The following SLC15A5 variants were observed in gnomAD, a reference collection of about 807,000 sequenced individuals.
SLC15A5 encodes solute carrier family 15 member 5, also known as Peptide/histidine transporter ENSP00000340402.
Under a neutral mutation model 56.1 loss-of-function variants are expected in SLC15A5, and 58 were observed. The observed-to-expected ratio is 1.03, with a 90% CI of 0.84 to 1.29. SLC15A5 has a LOEUF of 1.29. Ranked by LOEUF, SLC15A5 falls within the 50% of genes most tolerant of loss-of-function variation. The probability of loss-of-function intolerance (pLI) is 0.00; values close to 1 mark genes in which losing one functional copy is unlikely to be tolerated. For synonymous variants in SLC15A5, 264 were observed against 250.5 expected, an observed-to-expected ratio of 1.05 and a Z score of -0.51; for missense variants, 681 against 672.1, an observed-to-expected ratio of 1.01 and a Z score of -0.15.
chr12:16,236,688 C>T (rs1864354928), intron 5 of SLC15A5, among the ~76,000 whole-genome samples: 1 of 152,108 alleles, frequency 6.6e-6, no homozygotes, highest in African/African-American at 2.4e-5. Flanking sequence ...TTGACTTTAC[C>T]ATCTGCCTCC....
intron 5 of SLC15A5, among the ~76,000 whole-genome samples, chr12:16,227,653 A>G (rs1864255637): frequency 6.6e-6 from 1 of 152,212 alleles, no homozygotes; most frequent in Non-Finnish European, 1.5e-5. Context: ...GAATCAAGGT[A>G]GACGATAGAT....
intron 7 of SLC15A5, among the ~76,000 whole-genome samples, chr12:16,213,855 C>T (rs912448066): frequency 2.6e-5 from 4 of 152,024 alleles, no homozygotes; most frequent in African/African-American, 9.7e-5. Context: ...CAAATTGTGC[C>T]AGAATTATAT....
In SLC15A5 at chr12:16,272,660, A is replaced by G. The variant is rs1260639008; in HGVS notation, c.485T>C (p.Ile162Thr). The change falls in exon 2 of 9, where the codon ATT becomes ACT. Residue 162 changes from isoleucine to threonine, a missense_variant. By Grantham distance (89) the Ile-to-Thr change is moderately conservative (BLOSUM62 -1). Transcript: ENST00000344941. Reference sequence around the variant, plus strand: ...TCTTACGCCTCCAATGCCAAGGCAAATGGTCAGCAGTGCTACATAAAACAG... The same window carrying G: ...TCTTACGCCTCCAATGCCAAGGCAAGTGGTCAGCAGTGCTACATAAAACAG... Reference protein sequence around the residue: ...HRLFYVALLTICLGIGGVRAI... With the variant: ...HRLFYVALLTTCLGIGGVRAI... 2 of 1,537,120 alleles carry G rather than the reference A, an allele frequency of 1.3e-6. No individual in the cohort carries two copies. Among genetic ancestry groups the G allele is most frequent in the Admixed American group, 2.0e-5 (1 of 50,992 alleles).
In SLC15A5 at chr12:16,241,476, C is replaced by A. The variant is rs547474525; in HGVS notation, c.976-1609G>T. The stretch of plus-strand genomic sequence containing the variant: ...TAACTGCGCAAACACAGGACAAGAC[C>A]ACATTTTCACTGAGATTCTTTCTGT... On this transcript the variant is annotated intron_variant, in intron 4 of 8. Transcript: ENST00000344941. 1.6e-4 allele frequency among the ~76,000 whole-genome samples: 24 copies of A among 152,268 alleles called. No individual in the cohort carries two copies. The East Asian group carries it at 4.6e-3, about 29-fold the overall frequency.
At chr12:16,223,600 A>G (rs963167891) in intron 6 of SLC15A5, among the ~76,000 whole-genome samples, 2 of 152,172 alleles carry the variant, frequency 1.3e-5, no homozygotes, top group Non-Finnish European at 2.9e-5. Context: ...CATTTAATCT[A>G]GTGTAATTTA....
chr12:16,258,567 G>A (rs936116844), intron 2 of SLC15A5, among the ~76,000 whole-genome samples: 3 of 151,970 alleles, frequency 2.0e-5, no homozygotes, highest in African/African-American at 4.8e-5. Flanking sequence ...AAAAATTGAC[G>A]TAAAATTAAA....
At chr12:16,209,138 G>A (rs1302888310) in intron 7 of SLC15A5, among the ~76,000 whole-genome samples, 1 of 150,100 alleles carries the variant, frequency 6.7e-6, no homozygotes, top group Non-Finnish European at 1.5e-5. Flanking sequence ...TAAATTTTAT[G>A]AATACCTTCC....
rs777850748 is a variant in SLC15A5, at chr12:16,272,780, G to T, written c.365C>A (p.Thr122Asn). The T allele has an allele frequency of 7.8e-6, 12 of 1,536,504 alleles. No individual in the cohort carries two copies. The African/African-American group carries it at 1.6e-4, about 21-fold the overall frequency. Reference protein sequence around the residue: ...YICLFLHFLGTALLSVVAFPL... With the variant: ...YICLFLHFLGNALLSVVAFPL... ...AAAAGCCACCACAGATAACAAAGCAGTGCCTGTAGGTGGAGAAAAAAAAAG... is the reference window on the plus strand; with the variant it reads ...AAAAGCCACCACAGATAACAAAGCATTGCCTGTAGGTGGAGAAAAAAAAAG... The change falls in exon 2 of 9, where the codon ACT (threonine) becomes AAT (asparagine). Residue 122 changes from threonine to asparagine, a missense_variant. Transcript: ENST00000344941.
intron 7 of SLC15A5, among the ~76,000 whole-genome samples, chr12:16,214,480 C>T (rs1864111401): frequency 6.6e-6 from 1 of 152,190 alleles, no homozygotes; most frequent in Non-Finnish European, 1.5e-5. Flanking sequence ...CATGATCAGA[C>T]TTGGAGCTTT....
intron 6 of SLC15A5, among the ~76,000 whole-genome samples, chr12:16,218,032 A>G (rs1864147150): frequency 1.3e-5 from 2 of 152,154 alleles, no homozygotes; most frequent in Admixed American, 1.3e-4. Context: ...AATCTTAGCG[A>G]TATGTGTTAA....
chr12:16,212,132 G>A (rs1465933085), intron 7 of SLC15A5, among the ~76,000 whole-genome samples: 2 of 152,016 alleles, frequency 1.3e-5, no homozygotes, highest in African/African-American at 4.8e-5. Flanking sequence ...GTTTCATTAT[G>A]GTCACTTCTG....
At chr12:16,208,047 C>G (rs970688444) in intron 7 of SLC15A5, among the ~76,000 whole-genome samples, 3 of 152,168 alleles carry the variant, frequency 2.0e-5, no homozygotes, top group Admixed American at 2.0e-4. Flanking sequence ...CCATTCTCAT[C>G]CTATTCCCTT....
At chr12:16,214,329 G>A (rs1011671673) in intron 7 of SLC15A5, among the ~76,000 whole-genome samples, 2 of 152,180 alleles carry the variant, frequency 1.3e-5, no homozygotes, top group African/African-American at 2.4e-5. Flanking sequence ...TGGTTGGAAT[G>A]TCTGTTATTT....
At chr12:16,263,565 A>C (rs1864663456) in intron 2 of SLC15A5, among the ~76,000 whole-genome samples, 1 of 152,196 alleles carries the variant, frequency 6.6e-6, no homozygotes, top group African/African-American at 2.4e-5. Flanking sequence ...CCAAATGTTA[A>C]TCCCCAAGAC....
At chr12:16,258,101 C>T (rs1799492) in intron 2 of SLC15A5, among the ~76,000 whole-genome samples, 82,689 of 151,900 alleles carry the variant, frequency 0.54, 22,753 homozygotes, top group Non-Finnish European at 0.57. Flanking sequence ...AGAAAGAAGG[C>T]GCTCTCTTTC....
chr12:16,210,380 T>C (rs914197206), intron 7 of SLC15A5, among the ~76,000 whole-genome samples: 2 of 152,150 alleles, frequency 1.3e-5, no homozygotes. Context: ...CCACCTGGAA[T>C]TGAACAGTAC....
intron 1 of SLC15A5, among the ~76,000 whole-genome samples, chr12:16,276,660 T>C (rs1477179939): frequency 1.3e-5 from 2 of 152,072 alleles, no homozygotes; most frequent in Non-Finnish European, 2.9e-5. Context: ...CAGTTTAAAA[T>C]TCTAGTCTGT....
At chr12:16,244,436 G>T in intron 4 of SLC15A5, 144 bp downstream of exon 4, 1 of 735,274 alleles carries the variant, frequency 1.4e-6, no homozygotes, top group Non-Finnish European at 2.3e-6. Context: ...ATCAGAGCCT[G>T]TAATGATGAG....
intron 7 of SLC15A5, among the ~76,000 whole-genome samples, chr12:16,204,680 A>T (rs572776255): frequency 1.5e-4 from 23 of 152,094 alleles, no homozygotes; most frequent in Admixed American, 1.2e-3. Flanking sequence ...GATCACCTAC[A>T]AATATGTTAA....
Sources: allele counts gnomAD v4.1 joint callset (sites outside exome capture counted in the v4.1 genomes callset), GRCh38; gene constraint gnomAD v4.1.1; transcripts MANE v1.5; gene names NCBI Gene and HGNC (gene_info 2026-07-23, HGNC 2026-07-21).